The following VPS13A variants were observed in gnomAD, a reference collection of about 807,000 sequenced individuals.
The protein encoded by VPS13A is vacuolar protein sorting 13 homolog A.
VPS13A carries 264 observed loss-of-function variants against 390.9 expected under a neutral mutation model. That is an observed-to-expected ratio of 0.68 (90% confidence interval 0.61 to 0.75). The LOEUF (loss-of-function observed/expected upper bound fraction) is 0.75, where lower values mean the gene tolerates loss of function less well. VPS13A is among the 30% of genes least tolerant of loss of function. VPS13A has a pLI of 0.00. For synonymous variants in VPS13A, 1,231 were observed against 1,227.1 expected (o/e 1.00, Z -0.07); for missense variants, 3,409 against 3,733.9 (o/e 0.91, Z 2.27).
intron 19 of VPS13A, among the ~76,000 whole-genome samples, chr9:77,245,135 A>G (rs1217226470): frequency 6.6e-6 from 1 of 152,142 alleles, no homozygotes; most frequent in African/African-American, 2.4e-5. Context: ...AATAGGGGAG[A>G]GACCCAATCA....
At chr9:77,370,622 T>C in intron 65 of VPS13A, 44 bp downstream of exon 65, 1 of 1,612,156 alleles carries the variant, frequency 6.2e-7, no homozygotes, top group Non-Finnish European at 8.5e-7. Flanking sequence ...GAAATATCTT[T>C]TAAACAAACC....
chr9:77,246,141 G>C (rs901077909), intron 19 of VPS13A, among the ~76,000 whole-genome samples: 6 of 152,124 alleles, frequency 3.9e-5, no homozygotes, highest in African/African-American at 1.4e-4. Flanking sequence ...CATGAGTTTT[G>C]GAGGGCTAAA....
chr9:77,230,955 C>T (rs1823797046), intron 17 of VPS13A, among the ~76,000 whole-genome samples: 1 of 151,994 alleles, frequency 6.6e-6, no homozygotes, highest in Non-Finnish European at 1.5e-5. Context: ...TACAGTACAC[C>T]TCTTAGGTTA....
intron 68 of VPS13A, among the ~76,000 whole-genome samples, chr9:77,392,830 A>AT (rs1554678711): frequency 6.6e-6 from 1 of 150,916 alleles, no homozygotes; most frequent in African/African-American, 2.4e-5. Context: ...AAAAAAAAAA[A>AT]TCCTGATCAT....
At chr9:77,204,352 A>G (rs897068686) in intron 3 of VPS13A, among the ~76,000 whole-genome samples, 4 of 152,132 alleles carry the variant, frequency 2.6e-5, no homozygotes, top group Admixed American at 1.3e-4. Flanking sequence ...GAAACCCCAT[A>G]CATAGTGTTT....
chr9:77,342,254 G>C (rs1830871517), intron 50 of VPS13A, among the ~76,000 whole-genome samples: 1 of 152,144 alleles, frequency 6.6e-6, no homozygotes, highest in South Asian at 2.1e-4. Context: ...AGTACAGATT[G>C]AGCATCCTTA....
At chr9:77,366,204 C>T (rs1832419459) in intron 60 of VPS13A, among the ~76,000 whole-genome samples, 1 of 152,046 alleles carries the variant, frequency 6.6e-6, no homozygotes, top group South Asian at 2.1e-4. Context: ...AAAGCTTAGC[C>T]TAGCCTGTCT....
chr9:77,186,428 CTTTA>C (rs924717077), intron 1 of VPS13A, among the ~76,000 whole-genome samples: 1 of 151,820 alleles, frequency 6.6e-6, no homozygotes, highest in African/African-American at 2.4e-5. Flanking sequence ...TGAAGAACTC[CTTTA>C]TTTATTTGTT....
At chr9:77,189,991 C>T (rs72740398) in intron 1 of VPS13A, among the ~76,000 whole-genome samples, 12,670 of 152,082 alleles carry the variant, frequency 0.083, 654 homozygotes, top group East Asian at 0.12. Context: ...GTTCTAGGAA[C>T]CTTTGGGCAG....
rs1257970742 is a variant in VPS13A at position 77,351,308 on chromosome 9, C to T, written c.7290-9C>T. ...TTTAATTTAACGCGTATTTTTGCTA[C>T]TGTGTCAGTTCTCTCAGTGAAATAG... is the stretch of plus-strand genomic sequence containing the variant. On this transcript the variant is annotated splice_polypyrimidine_tract_variant and intron_variant, in intron 52 of 71. Coordinates refer to ENST00000360280, the MANE Select transcript of VPS13A (RefSeq NM_033305.3). The T allele has an allele frequency of 2.5e-6, 4 of 1,612,120 alleles. No individual in the cohort carries two copies. In the African/African-American group the frequency reaches 4.0e-5, roughly 16 times the overall value.
intron 27 of VPS13A, among the ~76,000 whole-genome samples, chr9:77,280,892 T>A (rs1361529816): frequency 6.6e-6 from 1 of 152,040 alleles, no homozygotes; most frequent in East Asian, 1.9e-4. Context: ...ATTCTAGACC[T>A]AAAGAAAATG....
chr9:77,183,302 C>T (rs1469718597), intron 1 of VPS13A, among the ~76,000 whole-genome samples: 1 of 152,198 alleles, frequency 6.6e-6, no homozygotes, highest in Non-Finnish European at 1.5e-5. Flanking sequence ...TAACAATCAT[C>T]ACATGATAAT....
At chr9:77,256,360 CTTATGA>C (rs962668503) in intron 22 of VPS13A, among the ~76,000 whole-genome samples, 2 of 152,084 alleles carry the variant, frequency 1.3e-5, no homozygotes, top group African/African-American at 4.8e-5. Context: ...AAAGATACTT[CTTATGA>C]TTTCACTTTT....
chr9:77,244,940 A>G (rs1453049289), intron 19 of VPS13A, among the ~76,000 whole-genome samples: 3 of 152,192 alleles, frequency 2.0e-5, no homozygotes, highest in Admixed American at 2.0e-4. Context: ...CTTCAAGGTG[A>G]TGGTCCACTG....
intron 69 of VPS13A, 107 bp from the exon 70 acceptor site, chr9:77,405,757 G>A: frequency 7.3e-7 from 1 of 1,369,036 alleles, no homozygotes; most frequent in Non-Finnish European, 1.0e-6. Flanking sequence ...TATAGTCTAT[G>A]TTGATGAATA....
chr9:77,236,391 G>T (rs1343509476), intron 17 of VPS13A, among the ~76,000 whole-genome samples: 1 of 152,050 alleles, frequency 6.6e-6, no homozygotes, highest in African/African-American at 2.4e-5. Flanking sequence ...TGTAAGCTTT[G>T]TACATTTTTG....
Position 77,416,725 on chromosome 9 carries a change from C to G in VPS13A, c.*719C>G, listed in dbSNP as rs1030040935. 5 of 152,572 alleles carry G rather than the reference C, an allele frequency of 3.3e-5. No individual in the cohort carries two copies. The highest frequency in any genetic ancestry group is 4.8e-5 in the African/African-American group (2 of 41,416). 9.5% of individuals were successfully genotyped at this position (152,572 alleles called of 1,614,324 possible). A position where few individuals can be genotyped will look rare whatever the true frequency, so the allele number is the denominator to read the frequency against. On this transcript the variant is annotated 3_prime_UTR_variant, in exon 72 of 72. Coordinates refer to ENST00000360280, the MANE Select transcript of VPS13A (RefSeq NM_033305.3). ...CTTTAGGGCCTTTGAAATATTTCCT[C>G]AAGCCTATTTCATGAGATCTACTTG... is the stretch of plus-strand genomic sequence containing the variant.
Position 77,205,300 on chromosome 9 carries a change from C to CA in VPS13A, c.188-6dup. On this transcript the variant is annotated splice_polypyrimidine_tract_variant and intron_variant, in intron 3 of 71. Coordinates refer to ENST00000360280, the MANE Select transcript of VPS13A (RefSeq NM_033305.3). ...TATTTTTTGTCCTTTTTTTTTTTCC[C>CA]AAAAAAATGTAGGTAATCTTAAACT... The CA allele has an allele frequency of 3.5e-6, 5 of 1,410,648 alleles. No individual in the cohort carries two copies. The highest frequency in any genetic ancestry group is 1.4e-5 in the South Asian group (1 of 70,458). 87.4% of individuals were successfully genotyped at this position (1,410,648 alleles called of 1,614,324 possible).
intron 32 of VPS13A, among the ~76,000 whole-genome samples, chr9:77,293,722 T>C (rs1187533297): frequency 6.6e-6 from 1 of 151,856 alleles, no homozygotes; most frequent in Non-Finnish European, 1.5e-5. Flanking sequence ...GAAATATATA[T>C]TTCATATAGT....
Sources: gnomAD v4.1 joint callset for allele counts (sites outside exome capture counted in the v4.1 genomes callset) on GRCh38, gnomAD v4.1.1 for gene constraint, MANE v1.5 for transcripts, NCBI Gene and HGNC (gene_info 2026-07-23, HGNC 2026-07-21) for gene names.